Variants in ATP10D observed in about 807,000 individuals in gnomAD.
ATP10D encodes ATPase phospholipid transporting 10D (putative), also known as phospholipid-transporting ATPase VD.
ATP10D carries 89 observed loss-of-function variants against 144.8 expected under a neutral mutation model. The observed-to-expected ratio is 0.61, with a 90% confidence interval of 0.52 to 0.73. The LOEUF is 0.73. Among genes scored for constraint, ATP10D ranks in the 30% least tolerant of loss-of-function variants. The pLI is 0.00. For missense variants in ATP10D, 1,603 were observed against 1,714.8 expected (o/e 0.93, Z 1.15); for synonymous variants, 571 against 615.1 (o/e 0.93, Z 1.06).
intron 15 of ATP10D, among the ~76,000 whole-genome samples, chr4:47,568,597 A>G (rs1719761483): frequency 6.6e-6 from 1 of 152,232 alleles, no homozygotes; most frequent in Non-Finnish European, 1.5e-5. Flanking sequence ...ACACATGAAG[A>G]AATTTCACAG....
At position 47,506,471 on chromosome 4, in the gene ATP10D, G is replaced by A. The variant is rs547554311; in HGVS notation, c.-37-6033G>A. Reference sequence around the variant, plus strand: ...GTAGATTTTAGAACTTTAATTACAGGTTTTATAATCTGTGAGTAAATGAAA... The same window carrying A: ...GTAGATTTTAGAACTTTAATTACAGATTTTATAATCTGTGAGTAAATGAAA... On this transcript the variant is annotated intron_variant, in intron 1 of 22. Coordinates refer to ENST00000273859, the MANE Select transcript of ATP10D (RefSeq NM_020453.4). Among the ~76,000 whole-genome samples the A allele has an allele frequency of 5.9e-5, 9 of 152,210 alleles. No individual in the cohort carries two copies. The South Asian group carries it at 1.9e-3, about 32-fold the overall frequency.
chr4:47,511,516 G>C (rs1716325797), intron 1 of ATP10D, among the ~76,000 whole-genome samples: 1 of 152,006 alleles, frequency 6.6e-6, no homozygotes, highest in Admixed American at 6.5e-5. Context: ...TTTTTGTTTT[G>C]ATTAACAAAC....
chr4:47,546,971 A>G, intron 10 of ATP10D, 109 bp downstream of exon 10: 1 of 1,022,698 alleles, frequency 9.8e-7, no homozygotes. Context: ...ACCTTAGAAG[A>G]GACTACATGA....
chr4:47,517,000 T>G (rs1716723142), intron 3 of ATP10D, among the ~76,000 whole-genome samples: 2 of 152,244 alleles, frequency 1.3e-5, no homozygotes, highest in Admixed American at 6.5e-5. Flanking sequence ...TACTTTACAA[T>G]GATTATGTGA....
intron 19 of ATP10D, among the ~76,000 whole-genome samples, chr4:47,577,981 C>G (rs1720321405): frequency 6.6e-6 from 1 of 152,138 alleles, no homozygotes. Flanking sequence ...GTTTTTATAG[C>G]CTGTGTTTTA....
intron 10 of ATP10D, 173 bp downstream of exon 10, chr4:47,547,035 A>C: frequency 1.6e-6 from 1 of 618,586 alleles, no homozygotes; most frequent in South Asian, 2.1e-5. Context: ...AAACAATATC[A>C]CACTAGTCTA....
At chr4:47,548,620 G>A (rs1210693089) in intron 10 of ATP10D, among the ~76,000 whole-genome samples, 1 of 152,134 alleles carries the variant, frequency 6.6e-6, no homozygotes, top group Non-Finnish European at 1.5e-5. Context: ...CTTTTCATCT[G>A]GGCCATTTTC....
chr4:47,588,346 GAC>G (rs1368115199), intron 22 of ATP10D, among the ~76,000 whole-genome samples: 2 of 152,138 alleles, frequency 1.3e-5, no homozygotes, highest in African/African-American at 4.8e-5. Context: ...ACATAAATGA[GAC>G]TCATAATGGT....
intron 9 of ATP10D, among the ~76,000 whole-genome samples, chr4:47,542,522 G>A (rs911398323): frequency 1.3e-5 from 2 of 152,154 alleles, no homozygotes; most frequent in African/African-American, 2.4e-5. Context: ...AGTCTCGCCA[G>A]GTTGCAGTGA....
intron 10 of ATP10D, among the ~76,000 whole-genome samples, chr4:47,548,863 G>T (rs983054885): frequency 6.6e-6 from 1 of 152,106 alleles, no homozygotes; most frequent in African/African-American, 2.4e-5. Context: ...CATAATATTT[G>T]ATCTGAAAAA....
At chr4:47,572,025 G>T in intron 16 of ATP10D, 129 bp from the exon 17 acceptor site, 1 of 825,654 alleles carries the variant, frequency 1.2e-6, no homozygotes, top group South Asian at 1.7e-5. Context: ...TTACTTCCAG[G>T]AAACTTGGAG....
intron 22 of ATP10D, among the ~76,000 whole-genome samples, chr4:47,589,195 C>A (rs749733983): frequency 1.3e-5 from 2 of 152,152 alleles, no homozygotes; most frequent in Non-Finnish European, 2.9e-5. Context: ...CTAGAGGGTC[C>A]AGAGGGAGCA....
At chr4:47,578,096 C>T (rs6825063) in intron 19 of ATP10D, among the ~76,000 whole-genome samples, 38,716 of 152,080 alleles carry the variant, frequency 0.25, 4,950 homozygotes, top group Admixed American at 0.32. Flanking sequence ...CTTGTACACG[C>T]TGTTCTAGTG....
intron 5 of ATP10D, among the ~76,000 whole-genome samples, chr4:47,527,433 A>C (rs1219554130): frequency 6.6e-6 from 1 of 152,154 alleles, no homozygotes; most frequent in Non-Finnish European, 1.5e-5. Context: ...CAATCCATTA[A>C]AGAAAAATAA....
intron 9 of ATP10D, among the ~76,000 whole-genome samples, chr4:47,542,484 G>T (rs1205142625): frequency 6.6e-6 from 1 of 152,032 alleles, no homozygotes; most frequent in East Asian, 1.9e-4. Flanking sequence ...AACTTTACTG[G>T]TCTATTTCCT....
rs1231233404 is a variant in ATP10D, at chr4:47,569,084, T to G, written c.3101T>G (p.Leu1034Arg). The stretch of plus-strand genomic sequence containing the variant: ...GTGGTCTGCTGCCGAGCCACACCGC[T>G]GCAGAAAAGTGAAGTGGTGAAATTG... Reference protein sequence around the residue: ...QAVVCCRATPLQKSEVVKLVR... With the variant: ...QAVVCCRATPRQKSEVVKLVR... The change falls in exon 16 of 23, where the codon CTG (leucine) becomes CGG (arginine). Residue 1034 changes from leucine to arginine, a missense_variant. Physicochemically the swap from Leu to Arg is moderately radical, Grantham distance 102. Coordinates refer to ENST00000273859, the MANE Select transcript of ATP10D (RefSeq NM_020453.4). 9 of 1,614,088 alleles carry G rather than the reference T, an allele frequency of 5.6e-6. No homozygotes were observed. Among genetic ancestry groups the G allele is most frequent in the Non-Finnish European group, 6.8e-6 (8 of 1,180,046 alleles).
chr4:47,493,886 C>T (rs534959854), intron 1 of ATP10D, among the ~76,000 whole-genome samples: 15 of 152,258 alleles, frequency 9.9e-5, no homozygotes, highest in African/African-American at 3.6e-4. Context: ...AGACCACAGG[C>T]TTGGAGTAAG....
At chr4:47,498,509 G>A (rs1225661408) in intron 1 of ATP10D, among the ~76,000 whole-genome samples, 2 of 152,130 alleles carry the variant, frequency 1.3e-5, no homozygotes, top group African/African-American at 2.4e-5. Flanking sequence ...AAAATCTTTA[G>A]GCCATTTTAA....
chr4:47,534,546 C>T (rs1468307989), intron 5 of ATP10D, among the ~76,000 whole-genome samples: 1 of 152,140 alleles, frequency 6.6e-6, no homozygotes, highest in East Asian at 1.9e-4. Context: ...CACGATGTCT[C>T]CTTGTCCCAT....
Sources: allele counts gnomAD v4.1 joint callset (sites outside exome capture counted in the v4.1 genomes callset), GRCh38; gene constraint gnomAD v4.1.1; transcripts MANE v1.5; gene names NCBI Gene and HGNC (gene_info 2026-07-23, HGNC 2026-07-21).